NRROS: variants seen among roughly 807,000 people sequenced by gnomAD.
NRROS encodes the protein transforming growth factor beta activator LRRC33.
Under a neutral mutation model 12.0 loss-of-function variants are expected in NRROS, and 6 were observed. That is an observed-to-expected ratio of 0.50 (90% CI 0.27 to 0.98). NRROS has a LOEUF of 0.98. NRROS is among the 50% of genes least tolerant of loss of function. The pLI, the probability that NRROS is intolerant of heterozygous loss-of-function variation, is 0.11. For missense variants in NRROS, 857 were observed against 888.2 expected (o/e 0.96, Z 0.45); for synonymous variants, 462 against 410.2 (o/e 1.13, Z -1.53).
intron 1 of NRROS, among the ~76,000 whole-genome samples, chr3:196,650,623 G>A (rs559395154): frequency 2.6e-5 from 4 of 152,192 alleles, no homozygotes; most frequent in East Asian, 1.9e-4. Flanking sequence ...TCTTTGCAGC[G>A]GCTGTACGTT....
In NRROS at chr3:196,660,057, C is replaced by G; in HGVS notation, c.414C>G (p.Asp138Glu). Reference sequence around the variant, plus strand: ...CCCTGCCGGGCCTGCGGAGGCTGGACTTGTCAGGAAACGCCCTGACGGAGG... The same window carrying G: ...CCCTGCCGGGCCTGCGGAGGCTGGAGTTGTCAGGAAACGCCCTGACGGAGG... ...LHALPGLRRL[D>E]LSGNALTEDM... Residue 138 changes from aspartate (D) to glutamate (E), a missense_variant, in exon 3 of 3, where the codon GAC becomes GAG. Coordinates refer to ENST00000328557, the MANE Select transcript of NRROS (RefSeq NM_198565.3). The surrounding 1 kb of genome is among the most constrained non-coding windows in gnomAD (Gnocchi z 7.7). The G allele has an allele frequency of 6.2e-7, 1 of 1,613,406 alleles. No individual in the cohort carries two copies. Among genetic ancestry groups the G allele is most frequent in the Non-Finnish European group, 8.5e-7 (1 of 1,179,970 alleles).
chr3:196,642,772 G>A (rs1737233698), intron 1 of NRROS, among the ~76,000 whole-genome samples: 5 of 152,138 alleles, frequency 3.3e-5, no homozygotes. Context: ...CCTAAAAATG[G>A]TTAAGATGGT....
In NRROS at chr3:196,660,921, G is replaced by A; in HGVS notation, c.1278G>A (p.Arg426=). ...CCCCTGGCCTCTTCGCCAATGCTAGGAACATCACTACACTTGACATGAGCC... is the reference window on the plus strand; with the variant it reads ...CCCCTGGCCTCTTCGCCAATGCTAGAAACATCACTACACTTGACATGAGCC... ...GVPPGLFANA[R]NITTLDMSHN... The change falls in exon 3 of 3, where the codon AGG becomes AGA. Residue 426 remains arginine, a synonymous_variant. Transcript: ENST00000328557. The surrounding 1 kb of genome is among the most constrained non-coding windows in gnomAD (Gnocchi z 7.7). The A allele has an allele frequency of 6.2e-7, 1 of 1,614,146 alleles. No homozygotes were observed.
chr3:196,659,926 C>T lies in NRROS; in HGVS notation c.283C>T (p.Arg95Cys), dbSNP rs764541076. The part of the protein sequence containing the change: ...SLSLHSCHLE[R>C]ISRGAFQEQG... ...CAGCCTGCACAGCTGCCACCTGGAG[C>T]GCATCAGCCGCGGCGCCTTCCAGGA... Residue 95 changes from arginine to cysteine, a missense_variant, in exon 3 of 3, where the codon CGC (arginine) becomes TGC (cysteine). By Grantham distance (180) the Arg-to-Cys change is radical. Coordinates refer to ENST00000328557, the MANE Select transcript of NRROS (RefSeq NM_198565.3). The T allele has an allele frequency of 6.2e-7, 1 of 1,614,084 alleles. No homozygotes were observed. Among genetic ancestry groups the T allele is most frequent in the South Asian group, 1.1e-5 (1 of 91,090 alleles).
chr3:196,660,117 G>C lies in NRROS; in HGVS notation c.474G>C (p.Ser158=), dbSNP rs773665145. The change falls in exon 3 of 3, where the codon TCG becomes TCC. Residue 158 remains serine, a synonymous_variant. Coordinates refer to ENST00000328557, the MANE Select transcript of NRROS (RefSeq NM_198565.3). The surrounding 1 kb of genome is among the most constrained non-coding windows in gnomAD (Gnocchi z 7.7). ...MAALMLQNLS[S]LRSVSLAGNT... The stretch of plus-strand genomic sequence containing the variant: ...CCCTCATGCTCCAGAACCTCTCCTC[G>C]CTGCGGTCCGTGTCCCTGGCGGGGA... 2 of 1,613,002 alleles carry C rather than the reference G, an allele frequency of 1.2e-6. No homozygotes were observed. The highest frequency in any genetic ancestry group is 1.7e-6 in the Non-Finnish European group (2 of 1,179,914).
At chr3:196,651,420 C>T (rs1004143341) in intron 1 of NRROS, among the ~76,000 whole-genome samples, 37 of 152,192 alleles carry the variant, frequency 2.4e-4, no homozygotes, top group African/African-American at 7.5e-4. Context: ...GTCAACACAG[C>T]GACGAGCAGC....
chr3:196,658,057 C>T (rs1420738245), intron 2 of NRROS, among the ~76,000 whole-genome samples: 1 of 152,210 alleles, frequency 6.6e-6, no homozygotes, highest in Non-Finnish European at 1.5e-5. Flanking sequence ...AAAGGTCACC[C>T]ATTTGATCAA....
rs1222156527 is a variant in NRROS, at chr3:196,654,154, C to A, written c.-13-373C>A. On this transcript the variant is annotated intron_variant, in intron 1 of 2. Transcript: ENST00000328557. The surrounding 1 kb of genome is among the most constrained non-coding windows in gnomAD (Gnocchi z 4.4). ...TACTGAGCTCAGGGGATGCATCAGA[C>A]CGATTGGAGCTGGAGGCAGGAAAAC... 6.6e-6 allele frequency among the ~76,000 whole-genome samples: 1 copy of A among 152,104 alleles called. No homozygotes were observed. The highest frequency in any genetic ancestry group is 2.4e-5 in the African/African-American group (1 of 41,416).
chr3:196,660,317 T>C lies in NRROS; in HGVS notation c.674T>C (p.Leu225Pro), dbSNP rs1333217882. 1 of 1,613,938 alleles carries C rather than the reference T, an allele frequency of 6.2e-7. No homozygotes were observed. The highest frequency in any genetic ancestry group is 1.7e-5 in the Admixed American group (1 of 59,998). ...NNLPCIVDFG[L>P]TRLRVLNVSY... ...CTCCCCTGCATCGTGGACTTCGGGCTCACGCGGCTGCGGGTCCTCAACGTC... is the reference window on the plus strand; with the variant it reads ...CTCCCCTGCATCGTGGACTTCGGGCCCACGCGGCTGCGGGTCCTCAACGTC... The change falls in exon 3 of 3, where the codon CTC becomes CCC. Residue 225 changes from leucine to proline, a missense_variant. Leu to Pro is a moderately conservative substitution (Grantham distance 98). Transcript: ENST00000328557. The surrounding 1 kb of genome is among the most constrained non-coding windows in gnomAD (Gnocchi z 7.7).
At chr3:196,657,503 C>A (rs931747000) in intron 2 of NRROS, among the ~76,000 whole-genome samples, 6 of 152,108 alleles carry the variant, frequency 3.9e-5, no homozygotes, top group Admixed American at 3.9e-4. Flanking sequence ...AGGTGGATCA[C>A]CCGAGGTCAG....
intron 1 of NRROS, among the ~76,000 whole-genome samples, chr3:196,649,707 G>A (rs950898942): frequency 1.3e-5 from 2 of 152,092 alleles, no homozygotes; most frequent in African/African-American, 4.8e-5. Flanking sequence ...TCCTGACCTC[G>A]TGATCACCCG....
At chr3:196,649,479 C>CT (rs113457429) in intron 1 of NRROS, among the ~76,000 whole-genome samples, 6,179 of 149,700 alleles carry the variant, frequency 0.041, 416 homozygotes, top group African/African-American at 0.14. Context: ...TTGTTTCTCT[C>CT]TTTTTTTTTT....
intron 2 of NRROS, among the ~76,000 whole-genome samples, chr3:196,658,602 C>T (rs1432609594): frequency 2.0e-5 from 3 of 152,166 alleles, no homozygotes; most frequent in African/African-American, 7.2e-5. Flanking sequence ...CAATTGTAGG[C>T]AACCACTGCC....
At chr3:196,656,123 T>C (rs1737533702) in intron 2 of NRROS, among the ~76,000 whole-genome samples, 1 of 151,924 alleles carries the variant, frequency 6.6e-6, no homozygotes, top group Non-Finnish European at 1.5e-5. Context: ...GCTGACATCG[T>C]GCCACTGCAC....
rs754552297 is a variant in NRROS, at chr3:196,660,329, G to A, written c.686G>A (p.Arg229Gln). Reference protein sequence around the residue: ...CIVDFGLTRLRVLNVSYNVLE... With the variant: ...CIVDFGLTRLQVLNVSYNVLE... ...GTGGACTTCGGGCTCACGCGGCTGC[G>A]GGTCCTCAACGTCAGCTACAACGTC... is the stretch of plus-strand genomic sequence containing the variant. Residue 229 changes from arginine to glutamine, a missense_variant, in exon 3 of 3, where the codon CGG becomes CAG. Physicochemically the swap from Arg to Gln is conservative, Grantham distance 43. Transcript: ENST00000328557. The surrounding 1 kb of genome is among the most constrained non-coding windows in gnomAD (Gnocchi z 7.7). 6.2e-7 allele frequency: 1 copy of A among 1,614,024 alleles called. No homozygotes were observed. The highest frequency in any genetic ancestry group is 1.3e-5 in the African/African-American group (1 of 75,042).
In NRROS at chr3:196,660,813, G is replaced by A. The variant is rs781054406; in HGVS notation, c.1170G>A (p.Glu390=). 13 of 1,613,662 alleles carry A rather than the reference G, an allele frequency of 8.1e-6. No individual in the cohort carries two copies. The South Asian group carries it at 1.4e-4, about 18-fold the overall frequency. Residue 390 remains glutamate, a synonymous_variant, in exon 3 of 3, where the codon GAG becomes GAA. Transcript: ENST00000328557. The surrounding 1 kb of genome is among the most constrained non-coding windows in gnomAD (Gnocchi z 7.7). ...ELDLSHNQLS[E]LHLAPGLASC... ...ACCTGAGCCACAACCAGCTGTCGGAGCTGCACCTGGCTCCGGGGCTGGCCA... is the reference window on the plus strand; with the variant it reads ...ACCTGAGCCACAACCAGCTGTCGGAACTGCACCTGGCTCCGGGGCTGGCCA...
intron 1 of NRROS, among the ~76,000 whole-genome samples, chr3:196,652,988 T>G (rs1311700986): frequency 6.6e-6 from 1 of 152,250 alleles, no homozygotes; most frequent in East Asian, 1.9e-4. Flanking sequence ...ATTGAAATGA[T>G]GCCTTGTAAT....
chr3:196,649,525 G>C (rs1398562368), intron 1 of NRROS, among the ~76,000 whole-genome samples: 1 of 152,012 alleles, frequency 6.6e-6, no homozygotes, highest in East Asian at 1.9e-4. Context: ...AGGCTGGAGT[G>C]CAGTGGCGTG....
chr3:196,648,732 C>A (rs1327568747), intron 1 of NRROS, among the ~76,000 whole-genome samples: 6 of 137,824 alleles, frequency 4.4e-5, no homozygotes, highest in Non-Finnish European at 7.6e-5. Context: ...TGCCATTGCA[C>A]TCCAGCCTGG....
Sources: gnomAD v4.1 joint callset for allele counts (sites outside exome capture counted in the v4.1 genomes callset) on GRCh38, gnomAD v4.1.1 for gene constraint, Gnocchi (gnomAD v3.1) non-coding constraint, MANE v1.5 for transcripts, NCBI Gene and HGNC (gene_info 2026-07-23, HGNC 2026-07-21) for gene names.